The following STK11 variants were observed in gnomAD, a reference collection of about 807,000 sequenced individuals.
STK11 encodes serine/threonine kinase 11.
A neutral mutation model predicts 47.3 loss-of-function variants in STK11; 8 were observed. That is an observed-to-expected ratio of 0.17 (90% CI 0.10 to 0.31). The LOEUF (loss-of-function observed/expected upper bound fraction) is 0.31. Ranked by LOEUF, STK11 falls within the 10% of genes least tolerant of loss-of-function variation. The probability of loss-of-function intolerance (pLI) is 1.00; values close to 1 mark genes in which losing one functional copy is unlikely to be tolerated. For missense variants in STK11, 475 were observed against 605.0 expected, an observed-to-expected ratio of 0.79 and a Z score of 2.25; for synonymous variants, 330 against 255.8, an observed-to-expected ratio of 1.29 and a Z score of -2.77.
chr19:1,221,159 G>C (rs2145426470), intron 5 of STK11, 54 bp from the exon 6 acceptor site: 1 of 1,602,942 alleles, frequency 6.2e-7, no homozygotes. Flanking sequence ...GGGGCTCCTA[G>C]GGCGTCAACC....
chr19:1,213,968 T>C (rs2080728653), intron 1 of STK11, among the ~76,000 whole-genome samples: 1 of 152,208 alleles, frequency 6.6e-6, no homozygotes. Context: ...TGAGCTTGAG[T>C]GGCGTTTATG....
chr19:1,225,982 C>T (rs1447191264), intron 8 of STK11: 20 of 996,932 alleles, frequency 2.0e-5, no homozygotes, highest in Non-Finnish European at 1.8e-5. Context: ...CTGCTCCCCG[C>T]GTGGTTCTGT....
chr19:1,222,042 CA>C, intron 7 of STK11, 36 bp downstream of exon 7: 1 of 1,552,912 alleles, frequency 6.4e-7, no homozygotes, highest in Non-Finnish European at 8.7e-7. Flanking sequence ...GCCGAGGCTG[CA>C]GGGAGGCCGG....
chr19:1,226,274 G>T (rs898105886), intron 8 of STK11, 180 bp from the exon 9 acceptor site: 5 of 1,432,866 alleles, frequency 3.5e-6, no homozygotes, highest in Middle Eastern at 2.6e-4. Context: ...GCCCCGGGGG[G>T]TGCCTCCCAG....
Position 1,227,653 on chromosome 19 carries a change from G to A in STK11, c.*77G>A, listed in dbSNP as rs890688073. 5.1e-5 allele frequency: 54 copies of A among 1,067,854 alleles called. No homozygotes were observed. Among genetic ancestry groups the A allele is most frequent in the Non-Finnish European group, 5.8e-5 (51 of 880,978 alleles). The allele number at this position is 1,067,854 out of a possible 1,614,324, so 66.1% of individuals were successfully genotyped here. ...GGCCCTCAGTCTTCCTGCCGGTTCCGCCCGCCCTCCCGGAGAGGTGGCCGC... is the reference window on the plus strand; with the variant it reads ...GGCCCTCAGTCTTCCTGCCGGTTCCACCCGCCCTCCCGGAGAGGTGGCCGC... On this transcript the variant is annotated 3_prime_UTR_variant, in exon 10 of 10. Coordinates refer to ENST00000326873, the MANE Select transcript of STK11 (RefSeq NM_000455.5).
intron 1 of STK11, among the ~76,000 whole-genome samples, chr19:1,208,913 G>A (rs937752943): frequency 1.3e-5 from 2 of 151,810 alleles, no homozygotes; most frequent in East Asian, 1.9e-4. Flanking sequence ...GAGCCACCGC[G>A]CCCGGCCAGC....
At chr19:1,218,717 C>T (rs555558353) in intron 2 of STK11, among the ~76,000 whole-genome samples, 5 of 152,302 alleles carry the variant, frequency 3.3e-5, no homozygotes, top group South Asian at 2.1e-4. Context: ...GTCTTGGGCC[C>T]GTGGGGTGTC....
At chr19:1,221,132 G>T in intron 5 of STK11, 81 bp from the exon 6 acceptor site, 1 of 1,581,832 alleles carries the variant, frequency 6.3e-7, no homozygotes, top group Middle Eastern at 1.7e-4. Context: ...GGACGCCTCT[G>T]TCCCTGGGGT....
intron 8 of STK11, 154 bp from the exon 9 acceptor site, chr19:1,226,300 G>C (rs2080820081): frequency 2.1e-6 from 3 of 1,450,506 alleles, no homozygotes; most frequent in African/African-American, 1.4e-5. Context: ...CTGGGGGGCA[G>C]CATTTCAGGC....
At chr19:1,212,910 C>G (rs2080720990) in intron 1 of STK11, among the ~76,000 whole-genome samples, 1 of 151,646 alleles carries the variant, frequency 6.6e-6, no homozygotes, top group South Asian at 2.1e-4. Context: ...TCTTGAACCC[C>G]TGACCTTAAG....
intron 7 of STK11, 49 bp downstream of exon 7, chr19:1,222,055 C>T (rs2080788693): frequency 6.5e-7 from 1 of 1,546,822 alleles, no homozygotes; most frequent in South Asian, 1.2e-5. Context: ...GGAGGCCGGC[C>T]ATGTGGGCAG....
chr19:1,219,608 C>A (rs374899682), intron 3 of STK11, among the ~76,000 whole-genome samples, 195 bp downstream of exon 3: 1 of 151,938 alleles, frequency 6.6e-6, no homozygotes, highest in Non-Finnish European at 1.5e-5. Flanking sequence ...TGCAATGGTG[C>A]GATCTCGGCT....
At chr19:1,210,404 A>G (rs1342177297) in intron 1 of STK11, among the ~76,000 whole-genome samples, 2 of 152,186 alleles carry the variant, frequency 1.3e-5, no homozygotes, top group African/African-American at 2.4e-5. Context: ...GTTGGTGTGG[A>G]AAGCGTGGGC....
chr19:1,220,159 C>T (rs2080772281), intron 3 of STK11: 1 of 572,634 alleles, frequency 1.7e-6, no homozygotes, highest in South Asian at 2.5e-5. Context: ...ATCCGGGGCC[C>T]TGCCAGACGT....
chr19:1,220,520 G>C lies in STK11; in HGVS notation c.597+15G>C, dbSNP rs774187994. Reference sequence around the variant, plus strand: ...GCGTGGCCGAGGTAGGCACGTGCTAGGGGGGGCCCTGGGGCGCCCCCTCCC... The same window carrying C: ...GCGTGGCCGAGGTAGGCACGTGCTACGGGGGGCCCTGGGGCGCCCCCTCCC... On this transcript the variant is annotated intron_variant, in intron 4 of 9. Coordinates refer to ENST00000326873, the MANE Select transcript of STK11 (RefSeq NM_000455.5). The C allele has an allele frequency of 6.3e-7, 1 of 1,593,978 alleles. No individual in the cohort carries two copies. Among genetic ancestry groups the C allele is most frequent in the Non-Finnish European group, 8.5e-7 (1 of 1,169,994 alleles).
At chr19:1,215,294 C>T (rs1339832412) in intron 1 of STK11, among the ~76,000 whole-genome samples, 1 of 152,260 alleles carries the variant, frequency 6.6e-6, no homozygotes, top group East Asian at 1.9e-4. Flanking sequence ...GGTGCCACCA[C>T]CACATAGCCC....
At chr19:1,218,070 G>A (rs965473023) in intron 1 of STK11, among the ~76,000 whole-genome samples, 2 of 152,078 alleles carry the variant, frequency 1.3e-5, no homozygotes, top group African/African-American at 2.4e-5. Flanking sequence ...CTTGAACCTG[G>A]GAGGCAGAGG....
At chr19:1,214,970 C>G (rs887749463) in intron 1 of STK11, among the ~76,000 whole-genome samples, 3 of 152,358 alleles carry the variant, frequency 2.0e-5, no homozygotes, top group Admixed American at 2.0e-4. Context: ...TCCCCGCCCC[C>G]CGGCCACCGC....
chr19:1,226,160 G>A, intron 8 of STK11: 1 of 1,261,626 alleles, frequency 7.9e-7, no homozygotes, highest in Non-Finnish European at 1.0e-6. Context: ...TACTCGTGAG[G>A]TTCCTGCAGT....
Sources: allele counts gnomAD v4.1 joint callset (sites outside exome capture counted in the v4.1 genomes callset), GRCh38; gene constraint gnomAD v4.1.1; transcripts MANE v1.5; gene names NCBI Gene and HGNC (gene_info 2026-07-23, HGNC 2026-07-21).